POFUT3: variants seen among roughly 807,000 people sequenced by gnomAD.
The protein encoded by POFUT3 is GDP-fucose protein O-fucosyltransferase 3.
At chr8:33,431,926 C>G in the POFUT3 span, among the ~76,000 whole-genome samples, 1 of 152,094 alleles carries the variant, frequency 6.6e-6, no homozygotes, top group Non-Finnish European at 1.5e-5. Context: ...GAGCTGTCCC[C>G]AACACATTCC....
chr8:33,347,311 A>G, the POFUT3 span, among the ~76,000 whole-genome samples: 1 of 152,186 alleles, frequency 6.6e-6, no homozygotes, highest in Admixed American at 6.5e-5. Context: ...TTAAAGTACC[A>G]TAGGTTCTGC....
the POFUT3 span, among the ~76,000 whole-genome samples, chr8:33,383,959 A>G: frequency 6.6e-6 from 1 of 151,598 alleles, no homozygotes; most frequent in East Asian, 1.9e-4. Flanking sequence ...AAAAAAAAAA[A>G]CAGATAAATC....
At chr8:33,420,378 T>G in the POFUT3 span, among the ~76,000 whole-genome samples, 2 of 152,210 alleles carry the variant, frequency 1.3e-5, no homozygotes, top group Admixed American at 6.5e-5. Flanking sequence ...TGACAAGGTT[T>G]AAAATTTGTT....
At chr8:33,317,614 T>C in the POFUT3 span, among the ~76,000 whole-genome samples, 8 of 152,170 alleles carry the variant, frequency 5.3e-5, no homozygotes, top group African/African-American at 1.7e-4. Flanking sequence ...TTAAAACCCT[T>C]GCTTGTAAGC....
the POFUT3 span, among the ~76,000 whole-genome samples, chr8:33,327,113 G>A: frequency 6.6e-6 from 1 of 152,308 alleles, no homozygotes; most frequent in East Asian, 1.9e-4. Flanking sequence ...CCTAAAAGGA[G>A]GGAGTAGTGT....
the POFUT3 span, among the ~76,000 whole-genome samples, chr8:33,404,133 T>G: frequency 6.6e-6 from 1 of 151,350 alleles, no homozygotes; most frequent in Non-Finnish European, 1.5e-5. Flanking sequence ...AGGTCAGGAG[T>G]TTGAGACCAG....
the POFUT3 span, among the ~76,000 whole-genome samples, chr8:33,445,577 T>C: frequency 1.3e-5 from 2 of 152,160 alleles, no homozygotes; most frequent in East Asian, 1.9e-4. Flanking sequence ...GATATAATCA[T>C]GTTGGACTGT....
the POFUT3 span, among the ~76,000 whole-genome samples, chr8:33,468,286 T>C: frequency 1.3e-5 from 2 of 150,240 alleles, no homozygotes; most frequent in African/African-American, 4.9e-5. Context: ...CCTGGTAGTT[T>C]GTGTGCCCCT....
chr8:33,313,243 A>G, the POFUT3 span, among the ~76,000 whole-genome samples: 4 of 152,184 alleles, frequency 2.6e-5, no homozygotes, highest in Non-Finnish European at 5.9e-5. Context: ...GGGTAAGCCA[A>G]CTTCTGGTTA....
At chr8:33,363,583 G>A in the POFUT3 span, among the ~76,000 whole-genome samples, 3 of 152,050 alleles carry the variant, frequency 2.0e-5, no homozygotes, top group Non-Finnish European at 4.4e-5. Context: ...AATGATAAAG[G>A]GGATATCACC....
the POFUT3 span, among the ~76,000 whole-genome samples, chr8:33,439,334 C>T: frequency 2.6e-5 from 4 of 151,846 alleles, no homozygotes; most frequent in African/African-American, 7.3e-5. Flanking sequence ...ATCTGGGAGG[C>T]GGAGGTTGCA....
the POFUT3 span, among the ~76,000 whole-genome samples, chr8:33,472,726 G>A: frequency 1.3e-5 from 2 of 152,226 alleles, no homozygotes; most frequent in African/African-American, 4.8e-5. Context: ...CAGGCGGGGA[G>A]GCGCCGGGAC....
At chr8:33,368,999 C>T in the POFUT3 span, among the ~76,000 whole-genome samples, 3 of 152,278 alleles carry the variant, frequency 2.0e-5, no homozygotes, top group East Asian at 1.9e-4. Flanking sequence ...TCAGCAATGG[C>T]GCCTAGTACA....
the POFUT3 span, among the ~76,000 whole-genome samples, chr8:33,310,737 C>G: frequency 6.6e-6 from 1 of 151,598 alleles, no homozygotes; most frequent in East Asian, 1.9e-4. Flanking sequence ...AGAACATTGT[C>G]GAGCAGAGCT....
At chr8:33,315,570 C>T in the POFUT3 span, among the ~76,000 whole-genome samples, 1 of 151,960 alleles carries the variant, frequency 6.6e-6, no homozygotes, top group South Asian at 2.1e-4. Context: ...CCTGCCTTGT[C>T]TTCAGGAGAC....
the POFUT3 span, among the ~76,000 whole-genome samples, chr8:33,308,843 A>T: frequency 6.6e-6 from 1 of 151,940 alleles, no homozygotes; most frequent in African/African-American, 2.4e-5. Flanking sequence ...AAGCTTCATG[A>T]GACCTCTCCT....
chr8:33,436,632 C>T, the POFUT3 span: 2 of 878,654 alleles, frequency 2.3e-6, no homozygotes, highest in Non-Finnish European at 3.8e-6. Flanking sequence ...TCCCATACTG[C>T]TAGAAGAGTG....
At chr8:33,331,448 C>G in the POFUT3 span, among the ~76,000 whole-genome samples, 1 of 152,000 alleles carries the variant, frequency 6.6e-6, no homozygotes, top group Admixed American at 6.6e-5. Flanking sequence ...TAGAAGCAGA[C>G]GGCTTAAGTT....
the POFUT3 span, among the ~76,000 whole-genome samples, chr8:33,320,425 C>A: frequency 4.6e-5 from 7 of 151,990 alleles, no homozygotes; most frequent in Non-Finnish European, 7.4e-5. Context: ...AGTTTAAATT[C>A]TTCTGGCATG....
Sources: allele counts gnomAD v4.1 joint callset (sites outside exome capture counted in the v4.1 genomes callset), GRCh38; gene constraint gnomAD v4.1.1; transcripts MANE v1.5; gene names NCBI Gene and HGNC (gene_info 2026-07-23, HGNC 2026-07-21).